The following CTNNA2 variants were observed in gnomAD, a reference collection of about 807,000 sequenced individuals.
CTNNA2 encodes catenin alpha-2.
In CTNNA2, 42 loss-of-function variants were observed where a neutral mutation model predicts 101.0. The observed-to-expected ratio is 0.42, with a 90% CI of 0.32 to 0.54. The LOEUF is 0.54. CTNNA2 is among the 20% of genes least tolerant of loss of function. The pLI is 0.14. For synonymous variants in CTNNA2, 450 were observed against 456.4 expected, an observed-to-expected ratio of 0.99 and a Z score of 0.18; for missense variants, 871 against 1,223.1, an observed-to-expected ratio of 0.71 and a Z score of 4.29.
Position 80,604,167 on chromosome 2 carries a change from T to C in CTNNA2, c.2283T>C (p.Ala761=), listed in dbSNP as rs1697793339. The C allele has an allele frequency of 6.2e-7, 1 of 1,612,568 alleles. No homozygotes were observed. Among genetic ancestry groups the C allele is most frequent in the South Asian group, 1.1e-5 (1 of 91,054 alleles). ...CTCGAATGGACAAATTAGCTCGTGC[T>C]GTGGCTGATCAGGTAATAGAAGAGG... The part of the protein sequence containing the change: ...AGSRMDKLAR[A]VADQCPDSAC... The change falls in exon 16 of 19, where the codon GCT becomes GCC. Residue 761 remains alanine (A), a synonymous_variant. Transcript: ENST00000402739.
chr2:79,266,907 G>T (rs75339566), intron 2 of CTNNA2, among the ~76,000 whole-genome samples: 354 of 152,150 alleles, frequency 2.3e-3, no homozygotes, highest in African/African-American at 8.0e-3. Context: ...CATTGAAAGA[G>T]ACCCCTATCT....
chr2:80,235,222 G>C (rs751103736), intron 7 of CTNNA2, among the ~76,000 whole-genome samples: 1 of 152,060 alleles, frequency 6.6e-6, no homozygotes, highest in Non-Finnish European at 1.5e-5. Context: ...AGTACATAGA[G>C]TTAAGCTTAA....
chr2:80,620,703 A>C (rs1269357167), intron 18 of CTNNA2, among the ~76,000 whole-genome samples: 2 of 151,928 alleles, frequency 1.3e-5, no homozygotes. Flanking sequence ...TAGACCCCTG[A>C]AACCCAGGTA....
intron 7 of CTNNA2, among the ~76,000 whole-genome samples, chr2:80,292,291 T>C (rs991714242): frequency 1.8e-4 from 28 of 152,118 alleles, no homozygotes; most frequent in African/African-American, 6.5e-4. Flanking sequence ...GTCCATTTTA[T>C]AGATGAAGGA....
chr2:79,879,034 C>G (rs1683230782), intron 6 of CTNNA2, among the ~76,000 whole-genome samples: 1 of 152,126 alleles, frequency 6.6e-6, no homozygotes, highest in Non-Finnish European at 1.5e-5. Context: ...TAGTTTTCTG[C>G]CTATGACTAG....
intron 2 of CTNNA2, among the ~76,000 whole-genome samples, chr2:79,235,328 C>G (rs1299855686): frequency 6.7e-6 from 1 of 150,364 alleles, no homozygotes; most frequent in East Asian, 2.0e-4. Flanking sequence ...GGCTTCAATC[C>G]AGTAGGTGGT....
At chr2:79,833,945 C>G (rs1454622584) in intron 3 of CTNNA2, among the ~76,000 whole-genome samples, 1 of 152,118 alleles carries the variant, frequency 6.6e-6, no homozygotes, top group Non-Finnish European at 1.5e-5. Flanking sequence ...TTTTTCTAAA[C>G]TAGTTCATTC....
At chr2:80,199,342 A>T (rs920362123) in intron 7 of CTNNA2, among the ~76,000 whole-genome samples, 3 of 152,126 alleles carry the variant, frequency 2.0e-5, no homozygotes, top group African/African-American at 7.2e-5. Context: ...TGATCCCTGA[A>T]ATTGAAGAGA....
chr2:79,599,620 T>C (rs1271932602), intron 1 of CTNNA2, among the ~76,000 whole-genome samples: 1 of 152,134 alleles, frequency 6.6e-6, no homozygotes, highest in Non-Finnish European at 1.5e-5. Flanking sequence ...TTTAATAAAA[T>C]TGGAGTAGTA....
intron 4 of CTNNA2, among the ~76,000 whole-genome samples, chr2:79,399,501 T>C (rs1486743183): frequency 6.6e-6 from 1 of 152,098 alleles, no homozygotes; most frequent in Admixed American, 6.6e-5. Context: ...AACCAATCAT[T>C]AACTGACCAA....
chr2:80,370,376 A>G (rs572820335), intron 7 of CTNNA2, among the ~76,000 whole-genome samples: 94 of 152,204 alleles, frequency 6.2e-4, no homozygotes, highest in African/African-American at 2.2e-3. Flanking sequence ...AAAGGGGGGA[A>G]TTCACCTTTT....
rs1162717920 is a variant in CTNNA2, at chr2:79,239,989, AC to A, written c.-406+41915del. Reference sequence around the variant, plus strand: ...CTCTTATTGCCCAGGCTGGAGTGCAACCTCAGCCTCCCGGGTTCAAGCAATT... The same window carrying A: ...CTCTTATTGCCCAGGCTGGAGTGCAACTCAGCCTCCCGGGTTCAAGCAATT... On this transcript the variant is annotated intron_variant, in intron 2 of 21. Coordinates refer to the CTNNA2 transcript ENST00000466387. Among the ~76,000 whole-genome samples the A allele has an allele frequency of 9.4e-5, 14 of 149,290 alleles. No individual in the cohort carries two copies. In the East Asian group the frequency reaches 2.8e-3, roughly 29 times the overall value.
At chr2:79,201,041 C>T (rs1289009979) in intron 2 of CTNNA2, among the ~76,000 whole-genome samples, 6 of 152,064 alleles carry the variant, frequency 3.9e-5, no homozygotes, top group African/African-American at 1.4e-4. Context: ...AAAAAGATGG[C>T]CTTGTTATGT....
intron 6 of CTNNA2, among the ~76,000 whole-genome samples, chr2:79,878,888 C>T (rs372211785): frequency 6.6e-6 from 1 of 152,168 alleles, no homozygotes; most frequent in African/African-American, 2.4e-5. Context: ...ATCATGAAGT[C>T]TTTGCCCATG....
At chr2:79,443,174 AAAATTATGGAGG>A (rs1678795358) in intron 4 of CTNNA2, among the ~76,000 whole-genome samples, 3 of 152,170 alleles carry the variant, frequency 2.0e-5, no homozygotes, top group Non-Finnish European at 4.4e-5. Flanking sequence ...GAATTCTGAC[AAAATTATGGAGG>A]CTGAAAAGTT....
intron 9 of CTNNA2, among the ~76,000 whole-genome samples, chr2:80,540,287 C>A (rs751954969): frequency 6.6e-6 from 1 of 152,040 alleles, no homozygotes. Context: ...AGTTAAAGAA[C>A]AGGTTGTTGA....
At chr2:80,504,672 C>T (rs1688133262) in intron 9 of CTNNA2, among the ~76,000 whole-genome samples, 1 of 152,154 alleles carries the variant, frequency 6.6e-6, no homozygotes, top group Non-Finnish European at 1.5e-5. Context: ...TCTAGGTCTC[C>T]TTTACGCCTT....
chr2:80,334,785 G>T (rs1463067210), intron 7 of CTNNA2, among the ~76,000 whole-genome samples: 3 of 152,110 alleles, frequency 2.0e-5, no homozygotes, highest in Non-Finnish European at 2.9e-5. Flanking sequence ...TTGTTTATGT[G>T]TCCAACTAGC....
At chr2:80,511,929 T>A (rs1688731312) in intron 9 of CTNNA2, among the ~76,000 whole-genome samples, 1 of 152,058 alleles carries the variant, frequency 6.6e-6, no homozygotes, top group South Asian at 2.1e-4. Context: ...GGTGGGCAGA[T>A]AAACTGAGGT....
Sources: gnomAD v4.1 joint callset for allele counts (sites outside exome capture counted in the v4.1 genomes callset) on GRCh38, gnomAD v4.1.1 for gene constraint, MANE v1.5 for transcripts, NCBI Gene and HGNC (gene_info 2026-07-23, HGNC 2026-07-21) for gene names.